FUCA1: variants seen among roughly 807,000 people sequenced by gnomAD.
FUCA1 encodes the protein alpha-L-fucosidase 1, also known as tissue alpha-L-fucosidase.
FUCA1 carries 52 observed loss-of-function variants against 56.8 expected under a neutral mutation model. The observed-to-expected ratio is 0.92, with a 90% CI of 0.73 to 1.15. The LOEUF (loss-of-function observed/expected upper bound fraction) is 1.15, where lower values mean the gene tolerates loss of function less well. Among genes scored for constraint, FUCA1 ranks in the 50% most tolerant of loss-of-function variants. The pLI, the probability that FUCA1 is intolerant of heterozygous loss-of-function variation, is 0.00. For missense variants in FUCA1, 568 were observed against 592.6 expected, an observed-to-expected ratio of 0.96 and a Z score of 0.43; for synonymous variants, 230 against 226.6, an observed-to-expected ratio of 1.02 and a Z score of -0.14.
chr1:23,852,448 TCCCTCTCCCTCTCCC>T (rs796891754), intron 5 of FUCA1, among the ~76,000 whole-genome samples: 1,592 of 120,036 alleles, frequency 0.013, 38 homozygotes, highest in African/African-American at 0.048. Flanking sequence ...AACTCCCCTC[TCCCTCTCCCTCTCCC>T]CCCTCTCCCT....
At chr1:23,851,679 A>G (rs1304758762) in intron 5 of FUCA1, among the ~76,000 whole-genome samples, 2 of 152,214 alleles carry the variant, frequency 1.3e-5, no homozygotes, top group Non-Finnish European at 2.9e-5. Context: ...TTGCAGCCAT[A>G]AAAAAGAATG....
At chr1:23,853,456 C>T (rs1366769589) in intron 5 of FUCA1, among the ~76,000 whole-genome samples, 91 of 148,596 alleles carry the variant, frequency 6.1e-4, no homozygotes, top group Middle Eastern at 3.5e-3. Context: ...GTCAGCCCCC[C>T]GCCCAGCCAG....
intron 5 of FUCA1, among the ~76,000 whole-genome samples, chr1:23,850,527 A>G (rs1447043332): frequency 6.6e-6 from 1 of 152,086 alleles, no homozygotes; most frequent in Non-Finnish European, 1.5e-5. Flanking sequence ...TCTGTCACCC[A>G]GGCTGGAGTG....
chr1:23,846,228 C>T (rs1019680246), intron 6 of FUCA1, 55 bp from the exon 7 acceptor site: 2 of 1,019,300 alleles, frequency 2.0e-6, no homozygotes, highest in South Asian at 1.3e-5. Flanking sequence ...TCCTGATATA[C>T]AACTTTATAC....
In FUCA1 at chr1:23,849,575, C is replaced by CTTTTTT. The variant is rs991049814; in HGVS notation, c.970-742_970-737dup. 3.6e-3 allele frequency among the ~76,000 whole-genome samples: 287 copies of CTTTTTT among 80,250 alleles called. 13 individuals are homozygous for CTTTTTT. Among genetic ancestry groups the CTTTTTT allele is most frequent in the African/African-American group, 0.011 (215 of 19,246 alleles). The allele number at this position is 80,250 out of a possible 152,430, so 52.6% of individuals were successfully genotyped here. A position where few individuals can be genotyped will look rare whatever the true frequency, so the allele number is the denominator to read the frequency against. On this transcript the variant is annotated intron_variant, in intron 5 of 7. Transcript: ENST00000374479. ...GAAAACTGCTATAAAGAGATACGTT[C>CTTTTTT]TTTTTTTTTTTTTTTTTTTTTTTTT...
At chr1:23,865,203 T>C (rs943665293) in intron 2 of FUCA1, among the ~76,000 whole-genome samples, 2 of 152,196 alleles carry the variant, frequency 1.3e-5, no homozygotes, top group Non-Finnish European at 2.9e-5. Context: ...TCGTAGTCTA[T>C]GTTGGGTATC....
At position 23,864,706 on chromosome 1, in the gene FUCA1, C is replaced by CT. The variant is rs563678936; in HGVS notation, c.524+784dup. Among the ~76,000 whole-genome samples, 586 of 138,502 alleles carry CT rather than the reference C, an allele frequency of 4.2e-3. 1 individual carries two copies. The highest frequency in any genetic ancestry group is 5.9e-3 in the Non-Finnish European group (371 of 63,260). 90.9% of individuals were successfully genotyped at this position (138,502 alleles called of 152,430 possible). A position where few individuals can be genotyped will look rare whatever the true frequency, so the allele number is the denominator to read the frequency against. ...TCAGCAAACTCTTTTTGTCTTTTTT[C>CT]TTTTTTTTTTTTTTTTGAGACGGAG... On this transcript the variant is annotated intron_variant, in intron 2 of 7. Transcript: ENST00000374479.
rs1434654525 is a variant in FUCA1, at chr1:23,848,810, G to A, written c.999C>T (p.Gly333=). The stretch of plus-strand genomic sequence containing the variant: ...TTGGTCCAATGTTCAGAAGATAGTT[G>A]CCTCCCAAACTTACTGTCTGAACCA... ...SELVQTVSLG[G]NYLLNIGPTK... is the part of the protein sequence containing the mutation. The change falls in exon 6 of 8, where the codon GGC becomes GGT. Residue 333 remains glycine (G), a synonymous_variant. Coordinates refer to ENST00000374479, the MANE Select transcript of FUCA1 (RefSeq NM_000147.5). 1 of 1,614,022 alleles carries A rather than the reference G, an allele frequency of 6.2e-7. No individual in the cohort carries two copies. Among genetic ancestry groups the A allele is most frequent in the East Asian group, 2.2e-5 (1 of 44,902 alleles).
intron 4 of FUCA1, among the ~76,000 whole-genome samples, chr1:23,856,307 C>T (rs896537735): frequency 1.3e-5 from 2 of 152,072 alleles, no homozygotes; most frequent in Non-Finnish European, 2.9e-5. Context: ...GTGATGTGAA[C>T]GCTCCCTGTA....
At chr1:23,863,042 A>G in intron 3 of FUCA1, 92 bp downstream of exon 3, 1 of 1,361,654 alleles carries the variant, frequency 7.3e-7, no homozygotes, top group Non-Finnish European at 1.0e-6. Context: ...GGTTTTTTTC[A>G]TACCTATCCC....
chr1:23,863,002 C>T (rs1639539958), intron 3 of FUCA1, 132 bp downstream of exon 3: 2 of 974,870 alleles, frequency 2.1e-6, no homozygotes, highest in Non-Finnish European at 1.6e-6. Flanking sequence ...TTAATACAAC[C>T]ACCACTTTTT....
intron 3 of FUCA1, among the ~76,000 whole-genome samples, chr1:23,862,323 G>C (rs1017219595): frequency 6.6e-6 from 1 of 152,156 alleles, no homozygotes; most frequent in African/African-American, 2.4e-5. Context: ...GCACCAGCAT[G>C]CCTGGCCAAT....
rs1175719570 is a variant in FUCA1, at chr1:23,868,282, C to A, written c.5G>T (p.Arg2Leu). Residue 2 changes from arginine (R) to leucine (L), a missense_variant, in exon 1 of 8, where the codon CGG becomes CTG. Physicochemically the swap from Arg to Leu is moderately radical, Grantham distance 102 (BLOSUM62 -2). Transcript: ENST00000374479. Reference sequence around the variant, plus strand: ...CGGCCGCGACCTCATCCCCGGAGCCCGCATCGCTACCCCTCAGCGACGCGG... The same window carrying A: ...CGGCCGCGACCTCATCCCCGGAGCCAGCATCGCTACCCCTCAGCGACGCGG... M[R>L]APGMRSRPAG... 1.3e-6 allele frequency: 2 copies of A among 1,548,288 alleles called. No homozygotes were observed. Among genetic ancestry groups the A allele is most frequent in the Non-Finnish European group, 1.7e-6 (2 of 1,149,780 alleles).
intron 6 of FUCA1, among the ~76,000 whole-genome samples, chr1:23,847,603 T>C (rs10917431): frequency 5.3e-5 from 8 of 152,000 alleles, no homozygotes; most frequent in African/African-American, 1.9e-4. Context: ...TGAGTGGACA[T>C]GCCCACTCTC....
chr1:23,852,610 C>T (rs918868949), intron 5 of FUCA1, among the ~76,000 whole-genome samples: 3 of 152,092 alleles, frequency 2.0e-5, no homozygotes, highest in East Asian at 1.9e-4. Flanking sequence ...CGAGTGCCTG[C>T]GATTGCAGGT....
At chr1:23,850,759 T>C (rs1397834378) in intron 5 of FUCA1, among the ~76,000 whole-genome samples, 1 of 152,150 alleles carries the variant, frequency 6.6e-6, no homozygotes, top group African/African-American at 2.4e-5. Context: ...GTGCTGGGAT[T>C]ACAGGTGTCA....
At chr1:23,852,665 A>T (rs1305808105) in intron 5 of FUCA1, among the ~76,000 whole-genome samples, 2 of 151,898 alleles carry the variant, frequency 1.3e-5, no homozygotes, top group Non-Finnish European at 2.9e-5. Flanking sequence ...TTTGGTGGAG[A>T]CGGGGTTTCG....
chr1:23,855,947 A>G (rs759816421), intron 4 of FUCA1, among the ~76,000 whole-genome samples: 2 of 152,214 alleles, frequency 1.3e-5, no homozygotes, highest in Non-Finnish European at 2.9e-5. Context: ...CTTGCCCTCA[A>G]CCATCCAGCA....
rs1231361422 is a variant in FUCA1, at chr1:23,846,103, C to A, written c.1231G>T (p.Glu411Ter). Reference protein sequence around the residue: ...HWPENGVLNLESPITTSTTKI... With the variant: ...HWPENGVLNL ...GTAGTTGAGGTAGTTATGGGGGATTCAAGGTTTAAGACTCCATTTTCTGGC... is the reference window on the plus strand; with the variant it reads ...GTAGTTGAGGTAGTTATGGGGGATTAAAGGTTTAAGACTCCATTTTCTGGC... The change falls in exon 7 of 8, where the codon GAA (glutamate) becomes TAA (stop). Residue 411 changes from glutamate (E) to a stop codon, truncating the protein, a stop_gained. Coordinates refer to ENST00000374479, the MANE Select transcript of FUCA1 (RefSeq NM_000147.5). LOFTEE classifies it low-confidence loss of function (END_TRUNC). 1 of 1,613,986 alleles carries A rather than the reference C, an allele frequency of 6.2e-7. No individual in the cohort carries two copies. Among genetic ancestry groups the A allele is most frequent in the African/African-American group, 1.3e-5 (1 of 75,010 alleles).
Sources: gnomAD v4.1 joint callset for allele counts (sites outside exome capture counted in the v4.1 genomes callset) on GRCh38, gnomAD v4.1.1 for gene constraint, MANE v1.5 for transcripts, NCBI Gene and HGNC (gene_info 2026-07-23, HGNC 2026-07-21) for gene names.